Variants in PLEKHG4B observed in about 807,000 individuals in gnomAD.
PLEKHG4B encodes pleckstrin homology domain-containing family G member 4B.
PLEKHG4B carries 111 observed loss-of-function variants against 121.3 expected under a neutral mutation model. That is an observed-to-expected ratio of 0.92 (90% confidence interval 0.78 to 1.07). The LOEUF (loss-of-function observed/expected upper bound fraction) is 1.07. PLEKHG4B is among the 50% of genes least tolerant of loss of function. PLEKHG4B has a pLI of 0.00. For synonymous variants in PLEKHG4B, 738 were observed against 725.0 expected (o/e 1.02, Z -0.29); for missense variants, 1,831 against 1,757.8 (o/e 1.04, Z -0.74).
In PLEKHG4B at chr5:137,473, C is replaced by G. The variant is rs1343704741; in HGVS notation, c.244-2010C>G. 6.6e-6 allele frequency among the ~76,000 whole-genome samples: 1 copy of G among 152,206 alleles called. No homozygotes were observed. The highest frequency in any genetic ancestry group is 1.5e-5 in the Non-Finnish European group (1 of 68,040). ...CACAGTCTCTGACTTCCCTCCTGCT[C>G]TGGGCTGTGCCACTGCCTTAACCCG... On this transcript the variant is annotated intron_variant, in intron 2 of 19. Coordinates refer to ENST00000637938, the MANE Select transcript of PLEKHG4B (RefSeq NM_052909.5). This position sits in a 1 kb window ranked among gnomAD's most constrained non-coding sequence, Gnocchi z 4.2.
rs1240871669 is a variant in PLEKHG4B at position 139,863 on chromosome 5, G to A, written c.624G>A (p.Leu208=). The A allele has an allele frequency of 1.3e-5, 5 of 399,596 alleles. No individual in the cohort carries two copies. The highest frequency in any genetic ancestry group is 2.2e-5 in the Non-Finnish European group (5 of 226,962). The allele number at this position is 399,596 out of a possible 1,614,324, so 24.8% of individuals were successfully genotyped here. ...PVFVPSPGAI[L]QSYSSCTGPE... ...TTGTCCCCAGCCCTGGAGCCATCCT[G>A]CAGAGCTACTCCAGCTGCACAGGTC... The change falls in exon 3 of 20, where the codon CTG becomes CTA. Residue 208 remains leucine (L), a synonymous_variant. Transcript: ENST00000637938. The surrounding 1 kb of genome is among the most constrained non-coding windows in gnomAD (Gnocchi z 5.0).
At chr5:169,015 A>G (rs939489021) in intron 13 of PLEKHG4B, 1 of 322,104 alleles carries the variant, frequency 3.1e-6, no homozygotes, top group Non-Finnish European at 5.8e-6. Flanking sequence ...GGCTGGGACT[A>G]TAGGTGCCTG....
At chr5:161,974 G>GT (rs1223057452) in intron 12 of PLEKHG4B, 30 bp downstream of exon 12, 3 of 1,581,830 alleles carry the variant, frequency 1.9e-6, no homozygotes, top group Non-Finnish European at 8.6e-7. Flanking sequence ...TGCGTCCCAG[G>GT]GATCCCGGCT....
At position 157,801 on chromosome 5, in the gene PLEKHG4B, C is replaced by T. The variant is rs1735840351; in HGVS notation, c.2487+890C>T. ...ATTATTTTATCAACAACTATTGCTGCGATGAATGTGCGGGTGAAAGAGCCA... is the reference window on the plus strand; with the variant it reads ...ATTATTTTATCAACAACTATTGCTGTGATGAATGTGCGGGTGAAAGAGCCA... On this transcript the variant is annotated intron_variant, in intron 11 of 19. Coordinates refer to ENST00000637938, the MANE Select transcript of PLEKHG4B (RefSeq NM_052909.5). This position sits in a 1 kb window ranked among gnomAD's most constrained non-coding sequence, Gnocchi z 4.6. Among the ~76,000 whole-genome samples the T allele has an allele frequency of 1.3e-5, 2 of 152,164 alleles. No individual in the cohort carries two copies. The highest frequency in any genetic ancestry group is 4.8e-5 in the African/African-American group (2 of 41,420).
intron 1 of PLEKHG4B, among the ~76,000 whole-genome samples, chr5:94,322 G>C (rs1733564727): frequency 6.6e-6 from 1 of 152,238 alleles, no homozygotes; most frequent in Admixed American, 6.5e-5. Context: ...GTGCTGTTGG[G>C]TCCAGCCAAG....
At chr5:129,637 T>C (rs1392119199) in intron 2 of PLEKHG4B, among the ~76,000 whole-genome samples, 2 of 152,214 alleles carry the variant, frequency 1.3e-5, no homozygotes, top group African/African-American at 2.4e-5. Context: ...AAATATTTCA[T>C]AGAGCTTGGC....
chr5:163,909 A>T (rs1324475143), intron 13 of PLEKHG4B, among the ~76,000 whole-genome samples: 1 of 152,240 alleles, frequency 6.6e-6, no homozygotes, highest in Non-Finnish European at 1.5e-5. Flanking sequence ...TAACTTTTAA[A>T]AAGTCTCTTA....
In PLEKHG4B at chr5:139,637, T is replaced by C. The variant is rs1319427459; in HGVS notation, c.398T>C (p.Leu133Pro). The C allele has an allele frequency of 1.3e-5, 5 of 398,722 alleles. 1 individual carries two copies. The East Asian group carries it at 1.8e-4, about 14-fold the overall frequency. 24.7% of individuals were successfully genotyped at this position (398,722 alleles called of 1,614,324 possible). A position where few individuals can be genotyped will look rare whatever the true frequency, so the allele number is the denominator to read the frequency against. ...TCGGCGGGGAAGCAGTCAGCTAGAC[T>C]GGTCTTGAAATGCCTGTCCCGGCTG... ...VTSAGKQSAR[L>P]VLKCLSRLGR... The change falls in exon 3 of 20, where the codon CTG (leucine) becomes CCG (proline). Residue 133 changes from leucine (L) to proline (P), a missense_variant. Coordinates refer to ENST00000637938, the MANE Select transcript of PLEKHG4B (RefSeq NM_052909.5). This position sits in a 1 kb window ranked among gnomAD's most constrained non-coding sequence, Gnocchi z 5.0.
At chr5:155,994 C>A in intron 9 of PLEKHG4B, 77 bp from the exon 10 acceptor site, 1 of 1,359,038 alleles carries the variant, frequency 7.4e-7, no homozygotes, top group South Asian at 1.7e-5. Flanking sequence ...ACAGGACATT[C>A]CTGCCACTGT....
At position 137,816 on chromosome 5, in the gene PLEKHG4B, A is replaced by G. The variant is rs922763885; in HGVS notation, c.244-1667A>G. 6.6e-6 allele frequency among the ~76,000 whole-genome samples: 1 copy of G among 152,228 alleles called. No individual in the cohort carries two copies. Among genetic ancestry groups the G allele is most frequent in the Admixed American group, 6.5e-5 (1 of 15,290 alleles). On this transcript the variant is annotated intron_variant, in intron 2 of 19. Transcript: ENST00000637938. The surrounding 1 kb of genome is among the most constrained non-coding windows in gnomAD (Gnocchi z 4.2). ...GGATCGGGGACGGACTCTGGGGGCC[A>G]GGCTCGGGGAGGCCCTTATGGACCG...
At chr5:179,697 C>T (rs1416045851) in intron 18 of PLEKHG4B, 2 of 152,666 alleles carry the variant, frequency 1.3e-5, no homozygotes. Context: ...AGTTCTGGAA[C>T]ATTTGATCAC....
chr5:181,645 C>T lies in PLEKHG4B; in HGVS notation c.4534C>T (p.Arg1512Ter), dbSNP rs754687259. ...TCCCAAATGTGCAGTGATGAGCGACCGAGTCCCCGACAGCATCGTCAAGGG... is the reference window on the plus strand; with the variant it reads ...TCCCAAATGTGCAGTGATGAGCGACTGAGTCCCCGACAGCATCGTCAAGGG... ...RAPKCAVMSDRVPDSIVKGTE... is the reference protein window; with the variant it reads ...RAPKCAVMSD The change falls in exon 19 of 20, where the codon CGA (arginine) becomes TGA (stop). Residue 1512 changes from arginine (R) to a stop codon, truncating the protein, a stop_gained. Transcript: ENST00000637938. LOFTEE classifies it low-confidence loss of function (END_TRUNC). The T allele has an allele frequency of 1.4e-5, 23 of 1,613,610 alleles. No individual in the cohort carries two copies. The highest frequency in any genetic ancestry group is 1.7e-5 in the Admixed American group (1 of 59,992).
chr5:93,692 T>C (rs1222410825), intron 1 of PLEKHG4B, among the ~76,000 whole-genome samples: 1 of 152,182 alleles, frequency 6.6e-6, no homozygotes, highest in Non-Finnish European at 1.5e-5. Flanking sequence ...GCTGCTGGCC[T>C]TTCTGGGGGG....
rs373541130 is a variant in PLEKHG4B, at chr5:156,980, C to G, written c.2487+69C>G. ...AGGCCAGGCTGGCCAAGGCAACCCT[C>G]TCACCTTCACACTGTGTCTTTAGGG... On this transcript the variant is annotated intron_variant, in intron 11 of 19. Coordinates refer to ENST00000637938, the MANE Select transcript of PLEKHG4B (RefSeq NM_052909.5). The surrounding 1 kb of genome is among the most constrained non-coding windows in gnomAD (Gnocchi z 4.4). 2 of 1,566,546 alleles carry G rather than the reference C, an allele frequency of 1.3e-6. No homozygotes were observed. The highest frequency in any genetic ancestry group is 1.7e-6 in the Non-Finnish European group (2 of 1,150,776).
intron 2 of PLEKHG4B, among the ~76,000 whole-genome samples, chr5:124,361 G>A (rs1734551972): frequency 6.6e-6 from 1 of 152,160 alleles, no homozygotes. Flanking sequence ...GACACTGCTG[G>A]CTAGAGTGTT....
rs367860373 is a variant in PLEKHG4B at position 162,956 on chromosome 5, G to T, written c.2884G>T (p.Ala962Ser). Residue 962 changes from alanine (A) to serine (S), a missense_variant, in exon 13 of 20, where the codon GCC (alanine) becomes TCC (serine). Physicochemically the swap from Ala to Ser is moderately conservative, Grantham distance 99. Transcript: ENST00000637938. ...LRLEEALSEA[A>S]PDPSLPPLAQ... ...TCTGGAAGAGGCCCTTTCTGAGGCT[G>T]CCCCAGACCCCAGCTTACCGCCCCT... 9 of 1,559,424 alleles carry T rather than the reference G, an allele frequency of 5.8e-6. No homozygotes were observed. The highest frequency in any genetic ancestry group is 2.4e-5 in the East Asian group (1 of 42,330).
rs558450136 is a variant in PLEKHG4B, at chr5:171,046, G to A, written c.3733G>A (p.Glu1245Lys). The A allele has an allele frequency of 6.2e-6, 10 of 1,610,504 alleles. No homozygotes were observed. The highest frequency in any genetic ancestry group is 8.5e-6 in the Non-Finnish European group (10 of 1,178,448). Reference protein sequence around the residue: ...AVGRSFLRHEEQFGMYVIYSK... With the variant: ...AVGRSFLRHEKQFGMYVIYSK... ...GCAGTCGCCTCTGCTTTTCCAGGAAGAGCAGTTTGGGATGTACGTGATCTA... is the reference window on the plus strand; with the variant it reads ...GCAGTCGCCTCTGCTTTTCCAGGAAAAGCAGTTTGGGATGTACGTGATCTA... The change falls in exon 15 of 20, where the codon GAG (glutamate) becomes AAG (lysine). Residue 1245 changes from glutamate to lysine, a missense_variant. By Grantham distance (56) the Glu-to-Lys change is moderately conservative. Transcript: ENST00000637938.
chr5:112,159 A>G (rs1734177787), intron 1 of PLEKHG4B, among the ~76,000 whole-genome samples: 1 of 152,170 alleles, frequency 6.6e-6, no homozygotes, highest in African/African-American at 2.4e-5. Context: ...GAGCTGACCC[A>G]TGGGGTGGCA....
intron 1 of PLEKHG4B, among the ~76,000 whole-genome samples, chr5:92,619 A>G (rs1245099040): frequency 6.6e-6 from 1 of 151,002 alleles, no homozygotes; most frequent in Middle Eastern, 3.4e-3. Context: ...CTGCTGCGGG[A>G]ACGGGAGGGA....
Sources: gnomAD v4.1 joint callset for allele counts (sites outside exome capture counted in the v4.1 genomes callset) on GRCh38, gnomAD v4.1.1 for gene constraint, Gnocchi (gnomAD v3.1) non-coding constraint, MANE v1.5 for transcripts, NCBI Gene and HGNC (gene_info 2026-07-23, HGNC 2026-07-21) for gene names.